SBNO1: variants seen among roughly 807,000 people sequenced by gnomAD.
SBNO1 encodes strawberry notch homolog 1.
Under a neutral mutation model 173.6 loss-of-function variants are expected in SBNO1, and 23 were observed. The observed-to-expected ratio is 0.13, with a 90% CI of 0.10 to 0.19. The LOEUF is 0.19. Among genes scored for constraint, SBNO1 ranks in the 10% least tolerant of loss-of-function variants. The pLI is 1.00. For missense variants in SBNO1, 1,238 were observed against 1,671.2 expected, an observed-to-expected ratio of 0.74 and a Z score of 4.52; for synonymous variants, 632 against 571.5, an observed-to-expected ratio of 1.11 and a Z score of -1.51.
chr12:123,338,891 CCGACACACACACACACACA>C (rs1872188823), intron 5 of SBNO1, among the ~76,000 whole-genome samples: 1 of 3,288 alleles, frequency 3.0e-4, no homozygotes, highest in Admixed American at 3.5e-3. Flanking sequence ...CACACACACC[CCGACACACACACACACACA>C]CGCCCCCCCC....
intron 7 of SBNO1, 104 bp from the exon 8 acceptor site, chr12:123,331,479 T>C (rs548560252): frequency 3.0e-4 from 313 of 1,027,944 alleles, no homozygotes; most frequent in Admixed American, 4.9e-4. Context: ...TTTTTTGTTT[T>C]GTATATGTAT....
Position 123,326,192 on chromosome 12 carries a change from C to T in SBNO1, c.1835G>A (p.Arg612Lys). The T allele has an allele frequency of 6.2e-7, 1 of 1,612,050 alleles. No individual in the cohort carries two copies. The highest frequency in any genetic ancestry group is 8.5e-7 in the Non-Finnish European group (1 of 1,178,760). ...KYLCIASKVK[R>K]VVQLAREEIK... ...TTCCTCTCGAGCTAGTTGCACAACC[C>T]TTTTAACTTTGGATGCTATGCATAA... Residue 612 changes from arginine to lysine, a missense_variant, in exon 14 of 32, where the codon AGG (arginine) becomes AAG (lysine). This residue lies in a region of SBNO1 where 182 missense variants were observed against 339.9 expected (regional missense o/e 0.54). Transcript: ENST00000602398.
At chr12:123,309,919 G>A in intron 25 of SBNO1, 63 bp from the exon 26 acceptor site, 1 of 1,303,016 alleles carries the variant, frequency 7.7e-7, no homozygotes, top group Non-Finnish European at 1.1e-6. Context: ...TATTCATCTA[G>A]GCTTAGTTCA....
At chr12:123,340,955 A>G in intron 5 of SBNO1, 33 bp downstream of exon 5, 1 of 1,309,728 alleles carries the variant, frequency 7.6e-7, no homozygotes, top group Non-Finnish European at 1.1e-6. Flanking sequence ...CTCATACTAC[A>G]CAAAAATAAA....
At position 123,291,078 on chromosome 12, in the gene SBNO1, AAC is replaced by A. The variant is rs2048505025; in HGVS notation, c.*4828_*4829del. The A allele has an allele frequency of 6.6e-6, 1 of 152,158 alleles. No homozygotes were observed. The highest frequency in any genetic ancestry group is 2.4e-5 in the African/African-American group (1 of 41,430). 9.4% of individuals were successfully genotyped at this position (152,158 alleles called of 1,614,324 possible). ...ACATTCTCTAAAGTCACCTGTCAAT[AAC>A]ACACTAGGCCTGCCTCCTGCCTGCT... On this transcript the variant is annotated 3_prime_UTR_variant, in exon 32 of 32. Coordinates refer to ENST00000602398, the MANE Select transcript of SBNO1 (RefSeq NM_001167856.3).
chr12:123,319,727 T>C (rs1869736682), intron 20 of SBNO1, among the ~76,000 whole-genome samples, 173 bp downstream of exon 20: 3 of 152,100 alleles, frequency 2.0e-5, no homozygotes, highest in Admixed American at 2.0e-4. Context: ...CTATATTCAA[T>C]GATAAAATAA....
chr12:123,340,511 G>A (rs1305181870), intron 5 of SBNO1, among the ~76,000 whole-genome samples: 1 of 149,002 alleles, frequency 6.7e-6, no homozygotes, highest in Non-Finnish European at 1.5e-5. Flanking sequence ...AACCTGGGAG[G>A]TGGAGGTTAC....
Position 123,336,494 on chromosome 12 carries a change from G to A in SBNO1, c.652-3C>T. Reference sequence around the variant, plus strand: ...TCTTCTTTTACAACAGGAACCTTCTGCAACACAGAAAGAGCACAATCAATC... The same window carrying A: ...TCTTCTTTTACAACAGGAACCTTCTACAACACAGAAAGAGCACAATCAATC... On this transcript the variant is annotated splice_region_variant and splice_polypyrimidine_tract_variant and intron_variant, in intron 5 of 31. Transcript: ENST00000602398. The A allele has an allele frequency of 6.3e-7, 1 of 1,597,980 alleles. No individual in the cohort carries two copies. Among genetic ancestry groups the A allele is most frequent in the Non-Finnish European group, 8.6e-7 (1 of 1,169,538 alleles).
At chr12:123,308,821 AG>A (rs751244930) in intron 28 of SBNO1, among the ~76,000 whole-genome samples, 8 of 151,340 alleles carry the variant, frequency 5.3e-5, no homozygotes, top group Non-Finnish European at 1.2e-4. Context: ...TAAAAAAATT[AG>A]GCTGGGCACA....
Position 123,345,517 on chromosome 12 carries a change from T to C in SBNO1, c.291A>G (p.Pro97=). 1.2e-6 allele frequency: 2 copies of C among 1,613,962 alleles called. No homozygotes were observed. The highest frequency in any genetic ancestry group is 1.7e-6 in the Non-Finnish European group (2 of 1,179,982). ...TFVLNQINHL[P]PLGSTIVMTK... is the part of the protein sequence containing the mutation. Reference sequence around the variant, plus strand: ...TCATTACAATTGTAGATCCCAAGGGTGGAAGATGATTTATTTGATTCAGCA... The same window carrying C: ...TCATTACAATTGTAGATCCCAAGGGCGGAAGATGATTTATTTGATTCAGCA... Residue 97 remains proline (P), a synonymous_variant, in exon 4 of 32, where the codon CCA becomes CCG. Coordinates refer to ENST00000602398, the MANE Select transcript of SBNO1 (RefSeq NM_001167856.3).
chr12:123,316,753 A>G (rs1271484678), intron 21 of SBNO1, among the ~76,000 whole-genome samples: 1 of 133,532 alleles, frequency 7.5e-6, no homozygotes, highest in African/African-American at 2.8e-5. Context: ...CCCAGGCTGG[A>G]GTGCAATAGC....
At position 123,298,118 on chromosome 12, in the gene SBNO1, C is replaced by T. The variant is rs756146079; in HGVS notation, c.3899G>A (p.Arg1300His). 6.8e-6 allele frequency: 11 copies of T among 1,611,152 alleles called. No individual in the cohort carries two copies. The highest frequency in any genetic ancestry group is 2.2e-5 in the East Asian group (1 of 44,868). The change falls in exon 31 of 32, where the codon CGT becomes CAT. Residue 1300 changes from arginine (R) to histidine (H), a missense_variant. Transcript: ENST00000602398. ...ACATAATACATAATATGTACGGCAACGAAGACCTATTTCACAAACTAGCCC... is the reference window on the plus strand; with the variant it reads ...ACATAATACATAATATGTACGGCAATGAAGACCTATTTCACAAACTAGCCC... The part of the protein sequence containing the change: ...SLGLVCEIGL[R>H]CRTYYVLCGS...
At chr12:123,335,195 C>T (rs574269831) in intron 6 of SBNO1, among the ~76,000 whole-genome samples, 1 of 152,266 alleles carries the variant, frequency 6.6e-6, no homozygotes, top group South Asian at 2.1e-4. Flanking sequence ...ATCTCAGCAG[C>T]TGGGAGGCCA....
chr12:123,364,245 G>A (rs1875806562), intron 1 of SBNO1: 3 of 985,628 alleles, frequency 3.0e-6, no homozygotes, highest in Non-Finnish European at 3.6e-6. Context: ...CCCAGAGCCG[G>A]GAGCAATGCT....
chr12:123,302,987 C>T (rs1462087185), intron 29 of SBNO1, 87 bp from the exon 30 acceptor site: 1 of 976,128 alleles, frequency 1.0e-6, no homozygotes, highest in African/African-American at 1.6e-5. Context: ...TAGAGGTAGC[C>T]AATTTAAAAT....
intron 7 of SBNO1, among the ~76,000 whole-genome samples, chr12:123,331,723 T>C (rs1436222160): frequency 6.6e-6 from 1 of 152,102 alleles, no homozygotes; most frequent in African/African-American, 2.4e-5. Context: ...GGTTTCACCA[T>C]GTTAGCCAGG....
chr12:123,295,727 T>C lies in SBNO1; in HGVS notation c.*181A>G. On this transcript the variant is annotated 3_prime_UTR_variant, in exon 32 of 32. Transcript: ENST00000602398. ...TAAAGGAAAGACATATGTACCACCA[T>C]CAGCACTGCTGATTTTCAGTTTTGC... 2.9e-6 allele frequency: 2 copies of C among 691,606 alleles called. No individual in the cohort carries two copies. The highest frequency in any genetic ancestry group is 5.0e-5 in the East Asian group (2 of 39,870). 42.8% of individuals were successfully genotyped at this position (691,606 alleles called of 1,614,324 possible). A position where few individuals can be genotyped will look rare whatever the true frequency, so the allele number is the denominator to read the frequency against.
At position 123,309,523 on chromosome 12, in the gene SBNO1, C is replaced by T. The variant is rs915856209; in HGVS notation, c.3503G>A (p.Gly1168Glu). The T allele has an allele frequency of 6.2e-7, 1 of 1,613,968 alleles. No homozygotes were observed. ...TTCTACGTGGCCAGAGGTTGAATAT[C>T]CTGGAGTCAGAAACTTTTTAACATC... ...KSDVKKFLTP[G>E]YSTSGHVELY... Residue 1168 changes from glycine (G) to glutamate (E), a missense_variant, in exon 27 of 32, where the codon GGA (glycine) becomes GAA (glutamate). Transcript: ENST00000602398.
chr12:123,326,009 CT>C (rs2138986280), intron 14 of SBNO1, 142 bp downstream of exon 14: 3 of 557,474 alleles, frequency 5.4e-6, no homozygotes, highest in East Asian at 5.9e-5. Context: ...GCAGGCATTG[CT>C]TTTATAATTT....
Sources: allele counts gnomAD v4.1 joint callset (sites outside exome capture counted in the v4.1 genomes callset), GRCh38; gene constraint gnomAD v4.1.1; regional missense constraint gnomAD v4.1.1; transcripts MANE v1.5; gene names NCBI Gene and HGNC (gene_info 2026-07-23, HGNC 2026-07-21).